The following USP3 variants were observed in gnomAD, a reference collection of about 807,000 sequenced individuals.
USP3 encodes ubiquitin specific peptidase 3, also known as ubiquitin carboxyl-terminal hydrolase 3.
Under a neutral mutation model 72.3 loss-of-function variants are expected in USP3, and 20 were observed. The ratio of observed to expected loss-of-function variants is 0.28; its 90% CI spans 0.19 to 0.40. The LOEUF is 0.40. USP3 is among the 10% of genes least tolerant of loss of function. The probability of loss-of-function intolerance (pLI) is 1.00; values close to 1 mark genes in which losing one functional copy is unlikely to be tolerated. For synonymous variants in USP3, 222 were observed against 225.3 expected (o/e 0.99, Z 0.13); for missense variants, 479 against 633.9 (o/e 0.76, Z 2.62).
chr15:63,544,753 A>G lies in USP3; in HGVS notation c.284+7597A>G, dbSNP rs758991355. 5.7e-6 allele frequency: 4 copies of G among 701,720 alleles called. No individual in the cohort carries two copies. Among genetic ancestry groups the G allele is most frequent in the Middle Eastern group, 2.3e-4 (1 of 4,360 alleles). The allele number at this position is 701,720 out of a possible 1,614,324, so 43.5% of individuals were successfully genotyped here. On this transcript the variant is annotated intron_variant, in intron 3 of 14. Coordinates refer to ENST00000380324, the MANE Select transcript of USP3 (RefSeq NM_006537.4). This position sits in a 1 kb window ranked among gnomAD's most constrained non-coding sequence, Gnocchi z 4.2. ...GGTAAGAGAGTTCATGGTATATGGG[A>G]TGAAAGCTTAACTCTAAAACTAGAG... is the stretch of plus-strand genomic sequence containing the variant.
intron 11 of USP3, among the ~76,000 whole-genome samples, chr15:63,579,703 T>C (rs1340513948): frequency 1.3e-5 from 2 of 152,120 alleles, no homozygotes; most frequent in African/African-American, 4.8e-5. Flanking sequence ...AATTGAGCAA[T>C]GGTAAAAGAC....
In USP3 at chr15:63,539,715, G is replaced by T. The variant is rs140938060; in HGVS notation, c.284+2559G>T. On this transcript the variant is annotated intron_variant, in intron 3 of 14. Coordinates refer to ENST00000380324, the MANE Select transcript of USP3 (RefSeq NM_006537.4). ...GATTGCCAGGCTTTTGTGTGAAGTT[G>T]TACAGAGCTGCAAGTGTGTGGACAC... Among the ~76,000 whole-genome samples the T allele has an allele frequency of 5.8e-4, 88 of 152,318 alleles. 1 individual carries two copies. The East Asian group carries it at 0.016, about 28-fold the overall frequency.
chr15:63,574,379 A>G lies in USP3; in HGVS notation c.1072A>G (p.Asn358Asp), dbSNP rs956983154. 4.4e-6 allele frequency: 7 copies of G among 1,605,904 alleles called. No individual in the cohort carries two copies. Among genetic ancestry groups the G allele is most frequent in the Non-Finnish European group, 5.9e-6 (7 of 1,176,902 alleles). Residue 358 changes from asparagine to aspartate, a missense_variant, in exon 11 of 15, where the codon AAT (asparagine) becomes GAT (aspartate). Transcript: ENST00000380324. This position sits in a 1 kb window ranked among gnomAD's most constrained non-coding sequence, Gnocchi z 4.6. The stretch of plus-strand genomic sequence containing the variant: ...AAGTAAGCGCTCTAAGAATCAAGAA[A>G]ATGGACCAGTTTGTTCGTTACGAGG... ...FRSKRSKNQE[N>D]GPVCSLRDCL...
chr15:63,582,231 G>C (rs1485170619), intron 11 of USP3, among the ~76,000 whole-genome samples: 1 of 152,164 alleles, frequency 6.6e-6, no homozygotes, highest in Non-Finnish European at 1.5e-5. Context: ...TAGGTTTCTG[G>C]GGATGCTCAG....
rs2067115816 is a variant in USP3, at chr15:63,588,266, G to A, written c.1097-39G>A. The A allele has an allele frequency of 6.7e-7, 1 of 1,481,728 alleles. No homozygotes were observed. The highest frequency in any genetic ancestry group is 1.4e-5 in the African/African-American group (1 of 70,860). 91.8% of individuals were successfully genotyped at this position (1,481,728 alleles called of 1,614,324 possible). On this transcript the variant is annotated intron_variant, in intron 11 of 14. Coordinates refer to ENST00000380324, the MANE Select transcript of USP3 (RefSeq NM_006537.4). The surrounding 1 kb of genome is among the most constrained non-coding windows in gnomAD (Gnocchi z 4.6). ...TCTACAGTACATTGCCTCTACAAAA[G>A]GCATCTTGTTTTAATGCTGCCAAAA...
chr15:63,589,035 G>A (rs761462398), intron 14 of USP3, 24 bp downstream of exon 14: 5 of 1,612,562 alleles, frequency 3.1e-6, no homozygotes, highest in Non-Finnish European at 4.2e-6. Context: ...CCAGCTTCTG[G>A]TGGGTGGGAA....
chr15:63,557,762 T>G (rs778551235), intron 5 of USP3, among the ~76,000 whole-genome samples: 2 of 152,204 alleles, frequency 1.3e-5, no homozygotes, highest in African/African-American at 4.8e-5. Context: ...TTTCTCTTAG[T>G]TTTTATAGAA....
At chr15:63,573,097 T>C (rs1186257329) in intron 9 of USP3, among the ~76,000 whole-genome samples, 1 of 152,216 alleles carries the variant, frequency 6.6e-6, no homozygotes, top group Non-Finnish European at 1.5e-5. Flanking sequence ...TGTATGTCCA[T>C]ACTCTGACAC....
intron 2 of USP3, 51 bp downstream of exon 2, chr15:63,532,758 T>C (rs762856468): frequency 4.0e-5 from 64 of 1,587,158 alleles, no homozygotes; most frequent in South Asian, 8.9e-5. Flanking sequence ...TTAAAATTTG[T>C]CTTTAAGCTT....
chr15:63,551,806 G>T (rs2066440183), intron 3 of USP3: 1 of 152,254 alleles, frequency 6.6e-6, no homozygotes, highest in South Asian at 2.1e-4. Context: ...CATTTGCACA[G>T]CTCTGGAGTC....
At chr15:63,516,880 T>C (rs1246595182) in intron 1 of USP3, among the ~76,000 whole-genome samples, 1 of 151,910 alleles carries the variant, frequency 6.6e-6, no homozygotes, top group Non-Finnish European at 1.5e-5. Flanking sequence ...GTACTATAAA[T>C]TTGATAGTGT....
chr15:63,513,733 T>A (rs776833542), intron 1 of USP3, among the ~76,000 whole-genome samples: 1 of 152,240 alleles, frequency 6.6e-6, no homozygotes, highest in Non-Finnish European at 1.5e-5. Flanking sequence ...GAACATTTGT[T>A]GCACAATGCC....
chr15:63,567,877 C>T lies in USP3; in HGVS notation c.762-2556C>T, dbSNP rs79617155. Among the ~76,000 whole-genome samples, 1,077 of 152,304 alleles carry T rather than the reference C, an allele frequency of 7.1e-3. 22 individuals carry two copies. The highest frequency in any genetic ancestry group is 0.043 in the Admixed American group (653 of 15,306). On this transcript the variant is annotated intron_variant, in intron 8 of 14. Coordinates refer to ENST00000380324, the MANE Select transcript of USP3 (RefSeq NM_006537.4). ...AAACCTTGTGAAGAGACAGTTGCCG[C>T]GTGTTCCTGTACACTGTGCTTCAGC...
At chr15:63,536,363 G>C (rs1479480239) in intron 2 of USP3, among the ~76,000 whole-genome samples, 2 of 151,912 alleles carry the variant, frequency 1.3e-5, no homozygotes, top group Non-Finnish European at 2.9e-5. Flanking sequence ...AACTTGAGCA[G>C]AGTCTATGGC....
At chr15:63,516,665 T>G (rs1033834418) in intron 1 of USP3, among the ~76,000 whole-genome samples, 1 of 152,150 alleles carries the variant, frequency 6.6e-6, no homozygotes, top group African/African-American at 2.4e-5. Context: ...TTGAGAAACC[T>G]GATGCCTTCC....
At chr15:63,531,855 G>C (rs924972688) in intron 1 of USP3, among the ~76,000 whole-genome samples, 4 of 152,132 alleles carry the variant, frequency 2.6e-5, no homozygotes, top group African/African-American at 9.7e-5. Flanking sequence ...GCTACTTTGC[G>C]CAAAATATAC....
chr15:63,524,462 G>T (rs1299184310), intron 1 of USP3, among the ~76,000 whole-genome samples: 1 of 152,214 alleles, frequency 6.6e-6, no homozygotes, highest in Non-Finnish European at 1.5e-5. Flanking sequence ...CATCCTAGAA[G>T]CCTAAAGCAA....
intron 8 of USP3, among the ~76,000 whole-genome samples, chr15:63,564,636 CATTGGAATATT>C (rs2066659222): frequency 6.6e-6 from 1 of 152,204 alleles, no homozygotes; most frequent in Non-Finnish European, 1.5e-5. Context: ...TTAATTTCCA[CATTGGAATATT>C]CCTACTGATG....
rs1396140339 is a variant in USP3, at chr15:63,544,087, A to T, written c.284+6931A>T. Among the ~76,000 whole-genome samples, 1 of 150,970 alleles carries T rather than the reference A, an allele frequency of 6.6e-6. No homozygotes were observed. The highest frequency in any genetic ancestry group is 1.5e-5 in the Non-Finnish European group (1 of 67,786). On this transcript the variant is annotated intron_variant, in intron 3 of 14. Transcript: ENST00000380324. The surrounding 1 kb of genome is among the most constrained non-coding windows in gnomAD (Gnocchi z 4.2). ...AAATTAGTTTAATAATAGTATGAAGATATTGTGAATAGCAAGACATTTAAT... is the reference window on the plus strand; with the variant it reads ...AAATTAGTTTAATAATAGTATGAAGTTATTGTGAATAGCAAGACATTTAAT...
Sources: allele counts gnomAD v4.1 joint callset (sites outside exome capture counted in the v4.1 genomes callset), GRCh38; gene constraint gnomAD v4.1.1; non-coding constraint Gnocchi (gnomAD v3.1); transcripts MANE v1.5; gene names NCBI Gene and HGNC (gene_info 2026-07-23, HGNC 2026-07-21).